ADGRF1: variants seen among roughly 807,000 people sequenced by gnomAD.
ADGRF1 encodes G protein-coupled receptor 110.
ADGRF1 carries 85 observed loss-of-function variants against 87.2 expected under a neutral mutation model. The observed-to-expected ratio is 0.97, with a 90% CI of 0.82 to 1.17. The LOEUF (loss-of-function observed/expected upper bound fraction) is 1.17. Among genes scored for constraint, ADGRF1 ranks in the 50% most tolerant of loss-of-function variants. ADGRF1 has a pLI of 0.00. For missense variants in ADGRF1, 1,169 were observed against 1,077.2 expected (o/e 1.09, Z -1.19); for synonymous variants, 430 against 408.8 (o/e 1.05, Z -0.63).
Position 47,025,856 on chromosome 6 carries a change from G to C in ADGRF1, c.275C>G (p.Thr92Arg), listed in dbSNP as rs1360804838. 1 of 1,583,056 alleles carries C rather than the reference G, an allele frequency of 6.3e-7. No homozygotes were observed. Among genetic ancestry groups the C allele is most frequent in the Non-Finnish European group, 8.6e-7 (1 of 1,159,970 alleles). The change falls in exon 4 of 15, where the codon ACA becomes AGA. Residue 92 changes from threonine (T) to arginine (R), a missense_variant and splice_region_variant. Physicochemically the swap from Thr to Arg is moderately conservative, Grantham distance 71 (BLOSUM62 -1). Transcript: ENST00000371253. Reference sequence around the variant, plus strand: ...CCAGTCACCGAGAGCCACCTTACCTGTGGTAGCCTTTGCTCTGATAATTCT... The same window carrying C: ...CCAGTCACCGAGAGCCACCTTACCTCTGGTAGCCTTTGCTCTGATAATTCT... ...LIRIIRAKAT[T>R]DCNSLNGVLQ...
At chr6:47,024,736 AG>A (rs1780172523) in intron 4 of ADGRF1, among the ~76,000 whole-genome samples, 1 of 152,238 alleles carries the variant, frequency 6.6e-6, no homozygotes, top group Admixed American at 6.5e-5. Flanking sequence ...TCTCACCAAA[AG>A]CTAGAAGGAT....
intron 9 of ADGRF1, chr6:47,013,662 C>A (rs1299547999): frequency 3.6e-5 from 35 of 985,338 alleles, no homozygotes; most frequent in Non-Finnish European, 4.2e-5. Flanking sequence ...GGCATAGCAC[C>A]TGATGTGGTT....
chr6:47,018,667 T>C, intron 7 of ADGRF1: 1 of 1,187,688 alleles, frequency 8.4e-7, no homozygotes, highest in Non-Finnish European at 1.1e-6. Flanking sequence ...ATCCCAGCAC[T>C]TTGGGAGGCC....
At chr6:47,039,501 G>A (rs1780677006) in intron 1 of ADGRF1, among the ~76,000 whole-genome samples, 1 of 152,180 alleles carries the variant, frequency 6.6e-6, no homozygotes, top group African/African-American at 2.4e-5. Context: ...TTACTGGGGA[G>A]GGGATGTGAT....
At chr6:47,026,758 C>G (rs557446647) in intron 3 of ADGRF1, among the ~76,000 whole-genome samples, 1 of 152,326 alleles carries the variant, frequency 6.6e-6, no homozygotes, top group East Asian at 1.9e-4. Context: ...ACATCTCACA[C>G]CATTGCACCC....
At chr6:47,001,416 C>T in intron 14 of ADGRF1, 85 bp downstream of exon 14, 1 of 1,087,072 alleles carries the variant, frequency 9.2e-7, no homozygotes, top group Non-Finnish European at 1.4e-6. Flanking sequence ...GAGTTTCTTA[C>T]ATGTTGCCAT....
At chr6:47,007,901 A>G (rs1479400298) in intron 11 of ADGRF1, among the ~76,000 whole-genome samples, 3 of 152,208 alleles carry the variant, frequency 2.0e-5, no homozygotes, top group African/African-American at 7.2e-5. Context: ...GGCATGCTCT[A>G]TGATTGCCAT....
chr6:47,020,406 G>C, intron 7 of ADGRF1: 1 of 876,556 alleles, frequency 1.1e-6, no homozygotes, highest in East Asian at 2.8e-5. Context: ...TGAGGCAGGG[G>C]AATCTCTTGA....
At chr6:47,024,461 C>A (rs1009548956) in intron 4 of ADGRF1, among the ~76,000 whole-genome samples, 5 of 152,150 alleles carry the variant, frequency 3.3e-5, no homozygotes, top group Non-Finnish European at 7.3e-5. Flanking sequence ...ATTACAGGCA[C>A]GCACCATCAC....
Position 47,014,793 on chromosome 6 carries a change from G to GT in ADGRF1, c.814dup (p.Thr272AsnfsTer17). 1 of 1,613,798 alleles carries GT rather than the reference G, an allele frequency of 6.2e-7. No homozygotes were observed. The highest frequency in any genetic ancestry group is 1.1e-5 in the South Asian group (1 of 91,060). ...CCTGTAGCCACTGCTGCAGGGCAGG[G>GT]TATATTCATCATCCTTGGACCCAAA... On this transcript the variant is annotated frameshift_variant, in exon 9 of 15. Coordinates refer to ENST00000371253, the MANE Select transcript of ADGRF1 (RefSeq NM_153840.4). LOFTEE classifies it high-confidence loss of function.
rs1056805546 is a variant in ADGRF1 at position 47,024,094 on chromosome 6, T to A, written c.401A>T (p.Glu134Val). 11 of 1,614,016 alleles carry A rather than the reference T, an allele frequency of 6.8e-6. No individual in the cohort carries two copies. In the African/African-American group the frequency reaches 1.5e-4, roughly 22 times the overall value. The change falls in exon 5 of 15, where the codon GAA (glutamate) becomes GTA (valine). Residue 134 changes from glutamate to valine, a missense_variant. Transcript: ENST00000371253. ...LHTAGALPSCECHLNNLSQSV... is the reference protein window; with the variant it reads ...LHTAGALPSCVCHLNNLSQSV... ...CTGGCTGAGGTTGTTGAGATGACAT[T>A]CACAGCTTGGGAGTGCTCCAGCCGT...
Position 47,009,099 on chromosome 6 carries a change from C to T in ADGRF1, c.2336G>A (p.Ser779Asn). Residue 779 changes from serine (S) to asparagine (N), a missense_variant, in exon 11 of 15, where the codon AGT becomes AAT. Physicochemically the swap from Ser to Asn is conservative, Grantham distance 46. Transcript: ENST00000371253. ...LWRPTVGERLSRDDKATIIRV... is the reference protein window; with the variant it reads ...LWRPTVGERLNRDDKATIIRV... ...GATGATGGTGGCCTTGTCATCCCGACTCAGTCTTTCCCCAACAGTCGGCCT... is the reference window on the plus strand; with the variant it reads ...GATGATGGTGGCCTTGTCATCCCGATTCAGTCTTTCCCCAACAGTCGGCCT... The T allele has an allele frequency of 6.2e-7, 1 of 1,614,116 alleles. No individual in the cohort carries two copies.
intron 9 of ADGRF1, 170 bp from the exon 10 acceptor site, chr6:47,012,365 A>G (rs1344021032): frequency 1.2e-5 from 15 of 1,267,736 alleles, no homozygotes; most frequent in Non-Finnish European, 1.4e-5. Context: ...TCTATATTTT[A>G]GACATTGCAC....
intron 13 of ADGRF1, among the ~76,000 whole-genome samples, chr6:47,002,148 A>G (rs1779381012): frequency 6.6e-6 from 1 of 152,200 alleles, no homozygotes; most frequent in African/African-American, 2.4e-5. Flanking sequence ...ATATTTTTCT[A>G]CTCATTAGTT....
At position 47,040,865 on chromosome 6, in the gene ADGRF1, AT is replaced by A. The variant is rs1340154539; in HGVS notation, c.-44+1325del. The stretch of plus-strand genomic sequence containing the variant: ...TTAGAAGGCACATTGTTGTGAAAGT[AT>A]GGTGCTTTCCTTGCCCTCAGCCCAG... On this transcript the variant is annotated intron_variant, in intron 1 of 14. Transcript: ENST00000371253. Among the ~76,000 whole-genome samples, 6 of 152,352 alleles carry A rather than the reference AT, an allele frequency of 3.9e-5. No individual in the cohort carries two copies. In the East Asian group the frequency reaches 9.6e-4, roughly 24 times the overall value.
intron 8 of ADGRF1, 94 bp from the exon 9 acceptor site, chr6:47,014,938 C>T: frequency 7.2e-7 from 1 of 1,391,350 alleles, no homozygotes. Context: ...TTTTAGAACT[C>T]ATTTTTGGAG....
At chr6:47,005,758 G>A in intron 13 of ADGRF1, 59 bp downstream of exon 13, 6 of 1,267,896 alleles carry the variant, frequency 4.7e-6, no homozygotes, top group Non-Finnish European at 6.8e-6. Flanking sequence ...ACTGTATAAA[G>A]AGAAGAATGC....
At chr6:47,033,480 T>G (rs986279239) in intron 1 of ADGRF1, among the ~76,000 whole-genome samples, 8 of 152,262 alleles carry the variant, frequency 5.3e-5, no homozygotes, top group African/African-American at 1.7e-4. Context: ...AATCTAATCT[T>G]AGGCACAGTT....
At chr6:47,019,816 T>G (rs557118361) in intron 7 of ADGRF1, 3 of 984,834 alleles carry the variant, frequency 3.0e-6, no homozygotes, top group East Asian at 1.1e-4. Flanking sequence ...AGACAGATTA[T>G]TAATAGTTGG....
Sources: allele counts gnomAD v4.1 joint callset (sites outside exome capture counted in the v4.1 genomes callset), GRCh38; gene constraint gnomAD v4.1.1; transcripts MANE v1.5; gene names NCBI Gene and HGNC (gene_info 2026-07-23, HGNC 2026-07-21).